DMXL1: variants seen among roughly 807,000 people sequenced by gnomAD.
DMXL1 encodes dmX-like protein 1.
A neutral mutation model predicts 319.2 loss-of-function variants in DMXL1; 99 were observed. The ratio of observed to expected loss-of-function variants is 0.31; its 90% CI spans 0.26 to 0.37. The LOEUF (loss-of-function observed/expected upper bound fraction) is 0.37. Ranked by LOEUF, DMXL1 falls within the 10% of genes least tolerant of loss-of-function variation. The probability of loss-of-function intolerance (pLI) is 1.00; values close to 1 mark genes in which losing one functional copy is unlikely to be tolerated. For synonymous variants in DMXL1, 1,385 were observed against 1,235.2 expected (o/e 1.12, Z -2.54); for missense variants, 3,745 against 3,595.6 (o/e 1.04, Z -1.06).
Position 119,150,260 on chromosome 5 carries a change from C to T in DMXL1, c.4433C>T (p.Pro1478Leu), listed in dbSNP as rs376786107. ...PRVIDLSQYS[P>L]TYFGPEHAQV... ...GTTATTGACCTTTCACAGTACAGTCCGACTTACTTTGGACCTGAGCATGCT... is the reference window on the plus strand; with the variant it reads ...GTTATTGACCTTTCACAGTACAGTCTGACTTACTTTGGACCTGAGCATGCT... Residue 1478 changes from proline (P) to leucine (L), a missense_variant, in exon 18 of 44, where the codon CCG becomes CTG. By Grantham distance (98) the Pro-to-Leu change is moderately conservative. Coordinates refer to ENST00000539542, the MANE Select transcript of DMXL1 (RefSeq NM_001290321.3). 1.3e-4 allele frequency: 209 copies of T among 1,613,582 alleles called. No homozygotes were observed. In the East Asian group the frequency reaches 1.9e-3, roughly 14 times the overall value.
At chr5:119,145,600 T>A (rs1407636260) in intron 15 of DMXL1, among the ~76,000 whole-genome samples, 1 of 151,780 alleles carries the variant, frequency 6.6e-6, no homozygotes, top group East Asian at 1.9e-4. Context: ...ACAATTTAAG[T>A]CTCTTTAAAA....
intron 13 of DMXL1, among the ~76,000 whole-genome samples, chr5:119,134,888 G>T (rs890012163): frequency 3.5e-4 from 53 of 152,170 alleles, no homozygotes; most frequent in Non-Finnish European, 5.7e-4. Flanking sequence ...CATTGTCTTG[G>T]GACATCCAAC....
At chr5:119,174,036 A>C (rs1775289476) in intron 25 of DMXL1, among the ~76,000 whole-genome samples, 1 of 151,614 alleles carries the variant, frequency 6.6e-6, no homozygotes, top group African/African-American at 2.4e-5. Context: ...AAAAGCAATG[A>C]CCCAGCTCAG....
intron 1 of DMXL1, among the ~76,000 whole-genome samples, chr5:119,072,521 C>G (rs1457024843): frequency 1.3e-5 from 2 of 152,064 alleles, no homozygotes; most frequent in East Asian, 3.8e-4. Flanking sequence ...ATACTAAGTG[C>G]TGTAGGCTTT....
At chr5:119,185,501 G>T (rs772999323) in intron 28 of DMXL1, among the ~76,000 whole-genome samples, 3 of 151,476 alleles carry the variant, frequency 2.0e-5, no homozygotes, top group South Asian at 2.1e-4. Flanking sequence ...GACTTTTTTT[G>T]TTTGTTTGTT....
Position 119,203,345 on chromosome 5 carries a change from T to C in DMXL1, c.7772T>C (p.Val2591Ala), listed in dbSNP as rs141947676. The C allele has an allele frequency of 6.2e-7, 1 of 1,602,558 alleles. No individual in the cohort carries two copies. The highest frequency in any genetic ancestry group is 8.5e-7 in the Non-Finnish European group (1 of 1,175,678). The change falls in exon 33 of 44, where the codon GTG becomes GCG. Residue 2591 changes from valine (V) to alanine (A), a missense_variant. Transcript: ENST00000539542. ...TCCAAACACCATCTGGCACTGTCTG[T>C]GAAGAGGCTTTGGCAGTATTTGGTG... ...FKSKHHLALS[V>A]KRLWQYLVKQ...
At chr5:119,224,378 G>A (rs1298848974) in intron 37 of DMXL1, among the ~76,000 whole-genome samples, 1 of 151,782 alleles carries the variant, frequency 6.6e-6, no homozygotes, top group Non-Finnish European at 1.5e-5. Flanking sequence ...ATTTTCACAT[G>A]CTCCTGTCTT....
At chr5:119,127,942 G>A (rs1290804501) in intron 9 of DMXL1, 2 of 379,304 alleles carry the variant, frequency 5.3e-6, no homozygotes, top group Non-Finnish European at 1.1e-5. Flanking sequence ...GTATCAAATG[G>A]TTTAAGTCCA....
intron 10 of DMXL1, among the ~76,000 whole-genome samples, chr5:119,131,812 A>T (rs539020874): frequency 3.3e-5 from 5 of 152,312 alleles, no homozygotes; most frequent in South Asian, 4.1e-4. Context: ...AGTTACTTTT[A>T]ATGCAGAGCC....
chr5:119,247,154 A>T lies in DMXL1; in HGVS notation c.9082A>T (p.Ile3028Leu). 6.2e-7 allele frequency: 1 copy of T among 1,614,156 alleles called. No individual in the cohort carries two copies. The highest frequency in any genetic ancestry group is 1.3e-5 in the African/African-American group (1 of 75,032). The change falls in exon 44 of 44, where the codon ATA becomes TTA. Residue 3028 changes from isoleucine (I) to leucine (L), a missense_variant. Ile to Leu is a conservative substitution (Grantham distance 5). This residue lies in a region of DMXL1 where 262 missense variants were observed against 320.5 expected (regional missense o/e 0.82). Transcript: ENST00000539542. ...CGADGTMKMRILPDQFSPLNE... is the reference protein window; with the variant it reads ...CGADGTMKMRLLPDQFSPLNE... ...AGCTGATGGAACAATGAAAATGAGAATACTGCCAGATCAGTTTAGCCCTTT... is the reference window on the plus strand; with the variant it reads ...AGCTGATGGAACAATGAAAATGAGATTACTGCCAGATCAGTTTAGCCCTTT...
At chr5:119,153,080 G>C (rs149800279) in intron 19 of DMXL1, among the ~76,000 whole-genome samples, 7 of 151,834 alleles carry the variant, frequency 4.6e-5, no homozygotes, top group Non-Finnish European at 1.0e-4. Context: ...GGGTTCAACT[G>C]ATTCTCCTGC....
intron 35 of DMXL1, among the ~76,000 whole-genome samples, chr5:119,218,455 A>G (rs1784076550): frequency 6.6e-6 from 1 of 151,214 alleles, no homozygotes; most frequent in South Asian, 2.1e-4. Flanking sequence ...ATTTTACTTT[A>G]TTTTATTTTA....
At chr5:119,142,990 C>T (rs1022048148) in intron 13 of DMXL1, among the ~76,000 whole-genome samples, 2 of 152,054 alleles carry the variant, frequency 1.3e-5, no homozygotes, top group Admixed American at 1.3e-4. Flanking sequence ...AAACCAGATA[C>T]TGCATGTTCT....
intron 34 of DMXL1, among the ~76,000 whole-genome samples, chr5:119,208,210 A>ATT (rs528514068): frequency 6.6e-5 from 9 of 135,896 alleles, no homozygotes; most frequent in Non-Finnish European, 9.6e-5. Context: ...ATTATCAGGA[A>ATT]TTTTTTTTTT....
chr5:119,130,971 C>G (rs916024227), intron 10 of DMXL1, among the ~76,000 whole-genome samples: 4 of 151,670 alleles, frequency 2.6e-5, no homozygotes, highest in African/African-American at 9.7e-5. Context: ...TGCTTTACAT[C>G]CTTATCAACA....
At chr5:119,196,100 T>C (rs1285148676) in intron 30 of DMXL1, among the ~76,000 whole-genome samples, 1 of 152,214 alleles carries the variant, frequency 6.6e-6, no homozygotes, top group Non-Finnish European at 1.5e-5. Flanking sequence ...GAGATCCTTC[T>C]TCATTCTTCC....
intron 1 of DMXL1, among the ~76,000 whole-genome samples, chr5:119,078,566 T>A (rs1473179491): frequency 6.6e-6 from 1 of 152,198 alleles, no homozygotes; most frequent in East Asian, 1.9e-4. Flanking sequence ...TCTTCCCACT[T>A]CAGTCTCCCA....
chr5:119,103,954 C>T (rs1014522780), intron 3 of DMXL1, among the ~76,000 whole-genome samples: 1 of 152,106 alleles, frequency 6.6e-6, no homozygotes, highest in South Asian at 2.1e-4. Context: ...GGCTTATCAG[C>T]ACTGACTTTG....
chr5:119,080,087 C>T (rs1751853747), intron 1 of DMXL1, among the ~76,000 whole-genome samples: 1 of 152,198 alleles, frequency 6.6e-6, no homozygotes, highest in Non-Finnish European at 1.5e-5. Flanking sequence ...TTCTGCACGC[C>T]TGTAATCCCA....
Sources: allele counts gnomAD v4.1 joint callset (sites outside exome capture counted in the v4.1 genomes callset), GRCh38; gene constraint gnomAD v4.1.1; regional missense constraint gnomAD v4.1.1; transcripts MANE v1.5; gene names NCBI Gene and HGNC (gene_info 2026-07-23, HGNC 2026-07-21).